OCLN: variants seen among roughly 807,000 people sequenced by gnomAD.
The protein encoded by OCLN is phosphatase 1, regulatory subunit 115.
In OCLN, 21 loss-of-function variants were observed where a neutral mutation model predicts 47.9. The observed-to-expected ratio is 0.44, with a 90% CI of 0.31 to 0.63. OCLN has a LOEUF of 0.63. Among genes scored for constraint, OCLN ranks in the 30% least tolerant of loss-of-function variants. The probability of loss-of-function intolerance (pLI) is 0.08; values close to 1 mark genes in which losing one functional copy is unlikely to be tolerated. For synonymous variants in OCLN, 117 were observed against 198.4 expected, an observed-to-expected ratio of 0.59 and a Z score of 3.45; for missense variants, 360 against 571.0, an observed-to-expected ratio of 0.63 and a Z score of 3.77.
At chr5:69,504,509 C>A in intron 2 of OCLN, among the ~76,000 whole-genome samples, 1 of 152,310 alleles carries the variant, frequency 6.6e-6, no homozygotes, top group East Asian at 1.9e-4. Context: ...GTCACCTATT[C>A]CTAATGTTTG....
At chr5:69,532,774 C>G (rs1769467399) in intron 4 of OCLN, among the ~76,000 whole-genome samples, 1 of 151,920 alleles carries the variant, frequency 6.6e-6, no homozygotes, top group South Asian at 2.1e-4. Flanking sequence ...TCGAGACCAG[C>G]TTGGCCAACA....
rs911425327 is a variant in OCLN at position 69,493,108 on chromosome 5, C to T, written c.-69+208C>T. On this transcript the variant is annotated intron_variant, in intron 1 of 8. Coordinates refer to ENST00000396442, the MANE Select transcript of OCLN (RefSeq NM_001205254.2). The surrounding 1 kb of genome is among the most constrained non-coding windows in gnomAD (Gnocchi z 5.3). ...ACCGGCCAACTTGGGAGGCTGCCTC[C>T]TGGGGCGAGGGGTGGCTTGGAGCCG... is the stretch of plus-strand genomic sequence containing the variant. Among the ~76,000 whole-genome samples, 2 of 152,178 alleles carry T rather than the reference C, an allele frequency of 1.3e-5. No individual in the cohort carries two copies. Among genetic ancestry groups the T allele is most frequent in the African/African-American group, 4.8e-5 (2 of 41,456 alleles).
chr5:69,499,647 T>C (rs956423429), intron 1 of OCLN, among the ~76,000 whole-genome samples: 2 of 151,920 alleles, frequency 1.3e-5, no homozygotes, highest in Non-Finnish European at 2.9e-5. Flanking sequence ...TGCAGTGGCG[T>C]GACCTCAGCT....
intron 4 of OCLN, among the ~76,000 whole-genome samples, chr5:69,528,578 GT>G (rs766782885): frequency 3.9e-5 from 6 of 152,164 alleles, no homozygotes; most frequent in Non-Finnish European, 8.8e-5. Context: ...TTCAAGCCAT[GT>G]TTGAATTCTT....
At chr5:69,513,749 G>T (rs1168333454) in intron 3 of OCLN, among the ~76,000 whole-genome samples, 199 bp from the exon 4 acceptor site, 1 of 152,052 alleles carries the variant, frequency 6.6e-6, no homozygotes, top group Non-Finnish European at 1.5e-5. Context: ...GTGTACATTT[G>T]CTGGCCTTAG....
intron 4 of OCLN, among the ~76,000 whole-genome samples, chr5:69,514,432 T>A (rs1378524101): frequency 6.6e-6 from 1 of 152,144 alleles, no homozygotes; most frequent in African/African-American, 2.4e-5. Flanking sequence ...TTTCTGCTTA[T>A]CATTTTGGAG....
chr5:69,515,174 C>A, intron 4 of OCLN, among the ~76,000 whole-genome samples: 1 of 149,412 alleles, frequency 6.7e-6, no homozygotes. Flanking sequence ...CACCTCCCTC[C>A]CGGACGGGGC....
chr5:69,519,080 G>A (rs1769056717), intron 4 of OCLN, among the ~76,000 whole-genome samples: 1 of 152,176 alleles, frequency 6.6e-6, no homozygotes, highest in Non-Finnish European at 1.5e-5. Context: ...CAAGGCTGCA[G>A]TGAGGCATGA....
At chr5:69,516,050 C>G (rs936414922) in intron 4 of OCLN, among the ~76,000 whole-genome samples, 1 of 142,708 alleles carries the variant, frequency 7.0e-6, no homozygotes, top group Admixed American at 7.1e-5. Flanking sequence ...ACGTCCCAGA[C>G]GATGGGCGGC....
At chr5:69,516,517 AGGGAGAGGG>A (rs1432486317) in intron 4 of OCLN, among the ~76,000 whole-genome samples, 1 of 151,740 alleles carries the variant, frequency 6.6e-6, no homozygotes, top group Non-Finnish European at 1.5e-5. Context: ...CCGTGGGGAG[AGGGAGAGGG>A]GGGAGAGGGA....
At chr5:69,498,147 C>T (rs888709114) in intron 1 of OCLN, among the ~76,000 whole-genome samples, 7 of 151,478 alleles carry the variant, frequency 4.6e-5, no homozygotes, top group Admixed American at 2.0e-4. Context: ...AAAAAAAGAA[C>T]GATTATTAAA....
chr5:69,498,999 T>C (rs935137978), intron 1 of OCLN, among the ~76,000 whole-genome samples: 4 of 152,162 alleles, frequency 2.6e-5, no homozygotes, highest in African/African-American at 9.7e-5. Flanking sequence ...CTTTAAATAA[T>C]CTCTAGTTAT....
intron 4 of OCLN, among the ~76,000 whole-genome samples, chr5:69,529,574 GA>G (rs1769373859): frequency 6.6e-6 from 1 of 151,974 alleles, no homozygotes; most frequent in African/African-American, 2.4e-5. Context: ...TGTCCTTTTT[GA>G]ATGTAATTTC....
At chr5:69,533,023 G>GTGTGTC (rs1469475336) in intron 4 of OCLN, among the ~76,000 whole-genome samples, 2 of 144,076 alleles carry the variant, frequency 1.4e-5, no homozygotes, top group Non-Finnish European at 3.0e-5. Context: ...GTGTGTGTGT[G>GTGTGTC]TATACACACA....
intron 7 of OCLN, among the ~76,000 whole-genome samples, chr5:69,549,912 T>C (rs1366774688): frequency 6.6e-6 from 1 of 150,962 alleles, no homozygotes; most frequent in African/African-American, 2.4e-5. Flanking sequence ...TGGGGTTTTA[T>C]CTTTAAAAAA....
Position 69,509,253 on chromosome 5 carries a change from T to G in OCLN, c.163T>G (p.Phe55Val). 6.2e-7 allele frequency: 1 copy of G among 1,614,240 alleles called. No individual in the cohort carries two copies. Among genetic ancestry groups the G allele is most frequent in the Middle Eastern group, 1.6e-4 (1 of 6,062 alleles). The change falls in exon 3 of 9, where the codon TTC (phenylalanine) becomes GTC (valine). Residue 55 changes from phenylalanine (F) to valine (V), a missense_variant. Transcript: ENST00000396442. ...SFYPEDEILH[F>V]YKWTSPPGVI... ...TTACCCAGAAGATGAAATTCTTCAC[T>G]TCTACAAATGGACCTCTCCTCCAGG...
intron 4 of OCLN, among the ~76,000 whole-genome samples, chr5:69,524,362 C>A (rs187387148): frequency 6.6e-6 from 1 of 152,170 alleles, no homozygotes; most frequent in African/African-American, 2.4e-5. Context: ...CTACCTGCCC[C>A]CAGAGGTAGC....
chr5:69,493,348 G>C lies in OCLN; in HGVS notation c.-69+448G>C, dbSNP rs570977308. 6.6e-6 allele frequency among the ~76,000 whole-genome samples: 1 copy of C among 152,028 alleles called. No individual in the cohort carries two copies. The highest frequency in any genetic ancestry group is 2.4e-5 in the African/African-American group (1 of 41,394). ...TGAGGCTGCAGCGAGGCGGCTGTTC[G>C]GCGGCCCGGGCGGCTTAGATCCCGG... On this transcript the variant is annotated intron_variant, in intron 1 of 8. Transcript: ENST00000396442. This position sits in a 1 kb window ranked among gnomAD's most constrained non-coding sequence, Gnocchi z 5.3.
intron 4 of OCLN, among the ~76,000 whole-genome samples, chr5:69,531,467 G>A (rs1769429982): frequency 6.6e-6 from 1 of 152,230 alleles, no homozygotes; most frequent in South Asian, 2.1e-4. Context: ...TATAAAATGG[G>A]TTTTTAAGCA....
Sources: allele counts gnomAD v4.1 joint callset (sites outside exome capture counted in the v4.1 genomes callset), GRCh38; gene constraint gnomAD v4.1.1; non-coding constraint Gnocchi (gnomAD v3.1); transcripts MANE v1.5; gene names NCBI Gene and HGNC (gene_info 2026-07-23, HGNC 2026-07-21).